The following GPM6A variants were observed in gnomAD, a reference collection of about 807,000 sequenced individuals.
The protein encoded by GPM6A is neuronal membrane glycoprotein M6-a.
A neutral mutation model predicts 32.1 loss-of-function variants in GPM6A; 7 were observed. The observed-to-expected ratio is 0.22, with a 90% CI of 0.12 to 0.41. GPM6A has a LOEUF of 0.41. Among genes scored for constraint, GPM6A ranks in the 10% least tolerant of loss-of-function variants. GPM6A has a pLI of 1.00. For synonymous variants in GPM6A, 130 were observed against 123.4 expected (o/e 1.05, Z -0.35); for missense variants, 235 against 347.2 (o/e 0.68, Z 2.57).
intron 1 of GPM6A, among the ~76,000 whole-genome samples, chr4:175,747,995 CTT>C (rs1209398305): frequency 6.6e-6 from 1 of 152,006 alleles, no homozygotes. Flanking sequence ...CTCAAGAAAA[CTT>C]TTTTCATTCA....
chr4:175,810,324 T>TA (rs1407710591), intron 1 of GPM6A, among the ~76,000 whole-genome samples: 1 of 152,140 alleles, frequency 6.6e-6, no homozygotes, highest in Non-Finnish European at 1.5e-5. Flanking sequence ...TTTTCTCAAT[T>TA]AAGAAAAAAA....
Position 175,954,885 on chromosome 4 carries a change from C to CTACA in GPM6A, c.-23+47420_-23+47423dup, listed in dbSNP as rs1179479724. On this transcript the variant is annotated intron_variant, in intron 1 of 7. Transcript: ENST00000280187. ...GGAACAAAAGAGAGATAGCCAGGGA[C>CTACA]TACAGTAAATTAACAGCAGTGCTGA... 6.6e-5 allele frequency among the ~76,000 whole-genome samples: 10 copies of CTACA among 152,336 alleles called. No homozygotes were observed. The East Asian group carries it at 1.9e-3, about 29-fold the overall frequency.
At chr4:175,971,176 T>C (rs1019888823) in intron 1 of GPM6A, among the ~76,000 whole-genome samples, 2 of 151,974 alleles carry the variant, frequency 1.3e-5, no homozygotes, top group African/African-American at 2.4e-5. Context: ...CCTAATATCT[T>C]AGTGGTTTGG....
intron 1 of GPM6A, among the ~76,000 whole-genome samples, chr4:175,989,085 T>C (rs1412351620): frequency 6.6e-6 from 1 of 152,114 alleles, no homozygotes; most frequent in East Asian, 1.9e-4. Flanking sequence ...TATACACATT[T>C]GCATCTAAAA....
At chr4:175,742,343 C>T (rs190483854) in intron 1 of GPM6A, among the ~76,000 whole-genome samples, 2 of 152,102 alleles carry the variant, frequency 1.3e-5, no homozygotes, top group Admixed American at 6.6e-5. Flanking sequence ...CAAAATGGCT[C>T]GCCTGCTTAA....
intron 1 of GPM6A, among the ~76,000 whole-genome samples, chr4:175,726,305 G>A (rs1746408381): frequency 1.3e-5 from 2 of 151,868 alleles, no homozygotes; most frequent in African/African-American, 4.8e-5. Context: ...AGCCTACCTT[G>A]TTTCTTTACT....
chr4:175,811,460 C>T (rs893795117), intron 1 of GPM6A, among the ~76,000 whole-genome samples: 1 of 152,140 alleles, frequency 6.6e-6, no homozygotes, highest in Non-Finnish European at 1.5e-5. Context: ...TGAATCATTC[C>T]AAATTACCAA....
intron 2 of GPM6A, among the ~76,000 whole-genome samples, chr4:175,681,655 C>T (rs1743695737): frequency 6.6e-6 from 1 of 152,062 alleles, no homozygotes; most frequent in Non-Finnish European, 1.5e-5. Context: ...TCCCCTCCAA[C>T]TCTCTCTTGC....
chr4:175,977,737 A>T (rs1332258767), intron 1 of GPM6A, among the ~76,000 whole-genome samples: 1 of 152,216 alleles, frequency 6.6e-6, no homozygotes, highest in African/African-American at 2.4e-5. Context: ...GGAAAAGTGT[A>T]TAAAACTATA....
chr4:175,824,084 T>G (rs1735358588), intron 1 of GPM6A, among the ~76,000 whole-genome samples: 1 of 152,180 alleles, frequency 6.6e-6, no homozygotes, highest in South Asian at 2.1e-4. Flanking sequence ...AGAAAACAAA[T>G]AGGCCCACAT....
At chr4:175,794,341 G>A (rs1159612628) in intron 1 of GPM6A, among the ~76,000 whole-genome samples, 1 of 152,204 alleles carries the variant, frequency 6.6e-6, no homozygotes, top group Non-Finnish European at 1.5e-5. Flanking sequence ...ATTTACACAT[G>A]TGAGTCCTTA....
chr4:175,901,856 G>A (rs1167699328), intron 1 of GPM6A, among the ~76,000 whole-genome samples: 6 of 151,784 alleles, frequency 4.0e-5, no homozygotes, highest in African/African-American at 1.2e-4. Flanking sequence ...TTGAACCCCT[G>A]ACCTAAAGTG....
At chr4:175,825,533 C>A (rs1026896134) in intron 1 of GPM6A, among the ~76,000 whole-genome samples, 10 of 152,076 alleles carry the variant, frequency 6.6e-5, no homozygotes, top group African/African-American at 2.4e-4. Context: ...GAGCTAATGT[C>A]AGGTTCTTAC....
At chr4:175,799,835 C>A (rs1179118333) in intron 1 of GPM6A, among the ~76,000 whole-genome samples, 1 of 151,150 alleles carries the variant, frequency 6.6e-6, no homozygotes, top group African/African-American at 2.4e-5. Flanking sequence ...CCACCGCGCC[C>A]GGCTAATTTT....
At chr4:175,887,201 C>A (rs1472740386) in intron 1 of GPM6A, among the ~76,000 whole-genome samples, 1 of 151,890 alleles carries the variant, frequency 6.6e-6, no homozygotes, top group Non-Finnish European at 1.5e-5. Context: ...AACTAAGTCA[C>A]AACAGCTGCC....
chr4:175,658,445 C>G (rs1236826434), intron 3 of GPM6A, among the ~76,000 whole-genome samples: 6 of 151,906 alleles, frequency 3.9e-5, no homozygotes, highest in African/African-American at 1.5e-4. Flanking sequence ...ATAGGTGGAG[C>G]ACAGAGGATT....
chr4:175,720,363 C>CA (rs1311234293), intron 1 of GPM6A, among the ~76,000 whole-genome samples: 1 of 152,140 alleles, frequency 6.6e-6, no homozygotes, highest in East Asian at 1.9e-4. Flanking sequence ...AGCTCATTTT[C>CA]AATTCCTATC....
intron 1 of GPM6A, among the ~76,000 whole-genome samples, chr4:175,707,322 C>A (rs1471891221): frequency 6.6e-6 from 1 of 152,168 alleles, no homozygotes; most frequent in Non-Finnish European, 1.5e-5. Flanking sequence ...TACCACACTG[C>A]CTTATAGTAT....
chr4:175,996,819 G>C (rs1031668511), intron 1 of GPM6A, among the ~76,000 whole-genome samples: 4 of 152,066 alleles, frequency 2.6e-5, no homozygotes, highest in African/African-American at 9.7e-5. Context: ...GCTCTTTTAG[G>C]AATTAGATCA....
Sources: allele counts gnomAD v4.1 joint callset (sites outside exome capture counted in the v4.1 genomes callset), GRCh38; gene constraint gnomAD v4.1.1; transcripts MANE v1.5; gene names NCBI Gene and HGNC (gene_info 2026-07-23, HGNC 2026-07-21).